The following TM9SF3 variants were observed in gnomAD, a reference collection of about 807,000 sequenced individuals.
TM9SF3 encodes transmembrane 9 superfamily member 3.
TM9SF3 carries 14 observed loss-of-function variants against 78.6 expected under a neutral mutation model. The observed-to-expected ratio is 0.18, with a 90% CI of 0.12 to 0.28. The LOEUF (loss-of-function observed/expected upper bound fraction) is 0.28. Among genes scored for constraint, TM9SF3 ranks in the 10% least tolerant of loss-of-function variants. TM9SF3 has a pLI of 1.00. For synonymous variants in TM9SF3, 231 were observed against 241.7 expected (o/e 0.96, Z 0.41); for missense variants, 496 against 721.9 (o/e 0.69, Z 3.59).
At chr10:96,538,712 A>G (rs535002068) in intron 9 of TM9SF3, among the ~76,000 whole-genome samples, 1 of 152,308 alleles carries the variant, frequency 6.6e-6, no homozygotes, top group African/African-American at 2.4e-5. Flanking sequence ...AAATAGGCAA[A>G]AGATCTGAAC....
At chr10:96,539,496 A>C (rs1290709017) in intron 9 of TM9SF3, among the ~76,000 whole-genome samples, 1 of 152,252 alleles carries the variant, frequency 6.6e-6, no homozygotes, top group Non-Finnish European at 1.5e-5. Flanking sequence ...AAGAGAGAGC[A>C]GGCTGGTGGT....
At chr10:96,523,752 T>C (rs1187375244) in intron 14 of TM9SF3, among the ~76,000 whole-genome samples, 1 of 151,910 alleles carries the variant, frequency 6.6e-6, no homozygotes, top group Non-Finnish European at 1.5e-5. Flanking sequence ...TGGAAAATTC[T>C]ACAGAAATTG....
At chr10:96,545,178 A>G (rs1848082338) in intron 8 of TM9SF3, among the ~76,000 whole-genome samples, 1 of 152,236 alleles carries the variant, frequency 6.6e-6, no homozygotes, top group Non-Finnish European at 1.5e-5. Context: ...CTAATACAGC[A>G]GAGGGTAAAG....
intron 1 of TM9SF3, among the ~76,000 whole-genome samples, chr10:96,581,252 T>A (rs1431230773): frequency 6.6e-6 from 1 of 152,076 alleles, no homozygotes; most frequent in Non-Finnish European, 1.5e-5. Flanking sequence ...AATGAATTAA[T>A]TATTATCAGG....
intron 6 of TM9SF3, among the ~76,000 whole-genome samples, chr10:96,552,404 G>A (rs551752980): frequency 3.1e-4 from 47 of 152,140 alleles, no homozygotes; most frequent in South Asian, 2.5e-3. Context: ...AGCTATGATC[G>A]CACCACTACA....
intron 9 of TM9SF3, among the ~76,000 whole-genome samples, chr10:96,539,365 A>AG (rs1321873435): frequency 6.9e-6 from 1 of 145,052 alleles, no homozygotes; most frequent in Non-Finnish European, 1.5e-5. Flanking sequence ...CTCAAAAAAA[A>AG]AATTTTTTTA....
intron 1 of TM9SF3, among the ~76,000 whole-genome samples, chr10:96,581,167 C>A (rs1245947317): frequency 1.3e-5 from 2 of 152,174 alleles, no homozygotes; most frequent in African/African-American, 4.8e-5. Context: ...AAGAAGTCAC[C>A]AATGTTGGGC....
chr10:96,586,694 G>T (rs931797288), intron 1 of TM9SF3, 40 bp downstream of exon 1: 2 of 1,216,180 alleles, frequency 1.6e-6, no homozygotes, highest in African/African-American at 3.1e-5. Flanking sequence ...GGCAACTGGG[G>T]AGCTAGCCCG....
At chr10:96,576,939 G>T in intron 1 of TM9SF3, 110 bp from the exon 2 acceptor site, 3 of 793,822 alleles carry the variant, frequency 3.8e-6, no homozygotes, top group Non-Finnish European at 5.3e-6. Context: ...TGTTCAGGAA[G>T]CTATAAAATA....
In TM9SF3 at chr10:96,520,033, C is replaced by G. The variant is rs1847745277; in HGVS notation, c.*2230G>C. 1 of 151,894 alleles carries G rather than the reference C, an allele frequency of 6.6e-6. No homozygotes were observed. Among genetic ancestry groups the G allele is most frequent in the African/African-American group, 2.4e-5 (1 of 41,422 alleles). The allele number at this position is 151,894 out of a possible 1,614,324, so 9.4% of individuals were successfully genotyped here. A position where few individuals can be genotyped will look rare whatever the true frequency, so the allele number is the denominator to read the frequency against. ...TTCAATAAACCCTACATCTTACCTG[C>G]AAGATTCATATCATGAGAAACAAAT... is the stretch of plus-strand genomic sequence containing the variant. On this transcript the variant is annotated 3_prime_UTR_variant, in exon 15 of 15. Coordinates refer to ENST00000371142, the MANE Select transcript of TM9SF3 (RefSeq NM_020123.4).
intron 1 of TM9SF3, among the ~76,000 whole-genome samples, chr10:96,584,020 G>A (rs1309538100): frequency 6.6e-6 from 1 of 151,634 alleles, no homozygotes; most frequent in Non-Finnish European, 1.5e-5. Flanking sequence ...GGTGACAAGA[G>A]CAAAACTATG....
intron 2 of TM9SF3, among the ~76,000 whole-genome samples, chr10:96,571,243 G>C (rs1303612925): frequency 6.6e-6 from 1 of 152,130 alleles, no homozygotes; most frequent in East Asian, 1.9e-4. Flanking sequence ...TAAACACAAA[G>C]GGAACTGTAT....
At chr10:96,576,868 A>C (rs781554293) in intron 1 of TM9SF3, 39 bp from the exon 2 acceptor site, 456 of 1,394,900 alleles carry the variant, frequency 3.3e-4, no homozygotes, top group Non-Finnish European at 3.5e-4. Flanking sequence ...AAAAAAAAAA[A>C]CACACTAATT....
In TM9SF3 at chr10:96,520,828, A is replaced by G. The variant is rs561989373; in HGVS notation, c.*1435T>C. The G allele has an allele frequency of 1.0e-5, 4 of 396,488 alleles. No individual in the cohort carries two copies. Among genetic ancestry groups the G allele is most frequent in the Admixed American group, 8.8e-5 (2 of 22,676 alleles). 24.6% of individuals were successfully genotyped at this position (396,488 alleles called of 1,614,324 possible). A position where few individuals can be genotyped will look rare whatever the true frequency, so the allele number is the denominator to read the frequency against. On this transcript the variant is annotated 3_prime_UTR_variant, in exon 15 of 15. Coordinates refer to ENST00000371142, the MANE Select transcript of TM9SF3 (RefSeq NM_020123.4). ...ATTCACTTTATGATTGTGCTGGATA[A>G]TCTAGATGTAAGCAAGTCTGGAGAT...
rs1245785059 is a variant in TM9SF3, at chr10:96,530,583, A to C, written c.1351T>G (p.Cys451Gly). 7 of 1,612,806 alleles carry C rather than the reference A, an allele frequency of 4.3e-6. No individual in the cohort carries two copies. The highest frequency in any genetic ancestry group is 5.9e-6 in the Non-Finnish European group (7 of 1,179,420). ...KWFMEPAVIV[C>G]LGGILPFGSI... The stretch of plus-strand genomic sequence containing the variant: ...CCAAAAGGTAAAATTCCACCCAGGC[A>C]AACAATAACCGCAGGCTCCATGAAC... Residue 451 changes from cysteine to glycine, a missense_variant, in exon 11 of 15, where the codon TGC (cysteine) becomes GGC (glycine). By Grantham distance (159) the Cys-to-Gly change is radical. Transcript: ENST00000371142.
chr10:96,568,189 C>T (rs1391410953), intron 2 of TM9SF3, among the ~76,000 whole-genome samples: 1 of 152,188 alleles, frequency 6.6e-6, no homozygotes, highest in East Asian at 1.9e-4. Context: ...CCAACTGAAA[C>T]AGCATTTCCC....
chr10:96,579,621 T>C (rs374820518), intron 1 of TM9SF3, among the ~76,000 whole-genome samples: 1 of 152,226 alleles, frequency 6.6e-6, no homozygotes, highest in African/African-American at 2.4e-5. Context: ...ATAAAATTTA[T>C]ATCATTTTGT....
intron 2 of TM9SF3, 65 bp downstream of exon 2, chr10:96,576,569 G>A: frequency 7.0e-7 from 1 of 1,427,710 alleles, no homozygotes. Flanking sequence ...TGTCAATAGT[G>A]CCAAAATATG....
Position 96,571,091 on chromosome 10 carries a change from T to C in TM9SF3, c.298+5543A>G, listed in dbSNP as rs150145754. Among the ~76,000 whole-genome samples the C allele has an allele frequency of 1.6e-3, 238 of 152,180 alleles. 2 individuals are homozygous for C. Among genetic ancestry groups the C allele is most frequent in the African/African-American group, 5.4e-3 (225 of 41,500 alleles). ...TAGGAAATGGAAAACGGTTGTAAGA[T>C]GACAAACTACTAATAAAGCAGGAGA... On this transcript the variant is annotated intron_variant, in intron 2 of 14. Transcript: ENST00000371142.
Sources: gnomAD v4.1 joint callset for allele counts (sites outside exome capture counted in the v4.1 genomes callset) on GRCh38, gnomAD v4.1.1 for gene constraint, MANE v1.5 for transcripts, NCBI Gene and HGNC (gene_info 2026-07-23, HGNC 2026-07-21) for gene names.